The following STON1 variants were observed in gnomAD, a reference collection of about 807,000 sequenced individuals.
The protein encoded by STON1 is stonin-1.
Under a neutral mutation model 60.9 loss-of-function variants are expected in STON1, and 79 were observed. The observed-to-expected ratio is 1.30, with a 90% confidence interval of 1.08 to 1.56. STON1 has a LOEUF of 1.56. Ranked by LOEUF, STON1 falls within the 40% of genes most tolerant of loss-of-function variation. STON1 has a pLI of 0.00. For synonymous variants in STON1, 363 were observed against 306.9 expected (o/e 1.18, Z -1.91); for missense variants, 1,166 against 858.9 (o/e 1.36, Z -4.47).
chr2:48,567,904 CA>C (rs1269523939), intron 1 of STON1, among the ~76,000 whole-genome samples: 1 of 143,534 alleles, frequency 7.0e-6, no homozygotes, highest in Non-Finnish European at 1.5e-5. Flanking sequence ...AGTCTAGTTA[CA>C]GTGTTGCTCT....
intron 1 of STON1, among the ~76,000 whole-genome samples, chr2:48,575,684 A>G (rs34521247): frequency 0.55 from 82,198 of 149,238 alleles, 23,241 homozygotes; most frequent in Non-Finnish European, 0.61. Flanking sequence ...ATAAATAAAT[A>G]AATGAATTCT....
intron 2 of STON1, among the ~76,000 whole-genome samples, chr2:48,590,721 C>T (rs185309422): frequency 6.6e-6 from 1 of 150,646 alleles, no homozygotes; most frequent in Non-Finnish European, 1.5e-5. Flanking sequence ...TGGCACTGAA[C>T]CTGGCCTGGC....
At chr2:48,548,552 G>A (rs1277484769) in intron 1 of STON1, among the ~76,000 whole-genome samples, 4 of 150,094 alleles carry the variant, frequency 2.7e-5, no homozygotes, top group African/African-American at 9.8e-5. Context: ...AGGCTGGAGT[G>A]CAGTGGCGTG....
At chr2:48,579,865 A>C (rs1410158343) in intron 1 of STON1, among the ~76,000 whole-genome samples, 4 of 152,044 alleles carry the variant, frequency 2.6e-5, no homozygotes, top group Admixed American at 1.3e-4. Flanking sequence ...CAGTTCTGTT[A>C]ATGTTTGCTT....
intron 3 of STON1, 85 bp downstream of exon 3, chr2:48,591,940 G>C: frequency 1.3e-6 from 2 of 1,512,120 alleles, no homozygotes; most frequent in Non-Finnish European, 1.8e-6. Flanking sequence ...TATGTGTTGT[G>C]TGTGTGTGTA....
At position 48,582,475 on chromosome 2, in the gene STON1, C is replaced by T. The variant is rs1378222660; in HGVS notation, c.1842C>T (p.Val614=). The T allele has an allele frequency of 6.2e-7, 1 of 1,614,204 alleles. No individual in the cohort carries two copies. The highest frequency in any genetic ancestry group is 2.2e-5 in the East Asian group (1 of 44,882). Reference sequence around the variant, plus strand: ...TACAGGAACTTGAATCTGAACCTGTCATTCAAGTCACTGTGGGGTCAGCAA... The same window carrying T: ...TACAGGAACTTGAATCTGAACCTGTTATTCAAGTCACTGTGGGGTCAGCAA... ...GSLQELESEP[V]IQVTVGSAKY... is the part of the protein sequence containing the mutation. The change falls in exon 2 of 4, where the codon GTC becomes GTT. Residue 614 remains valine (V), a synonymous_variant. Coordinates refer to ENST00000404752, the MANE Select transcript of STON1 (RefSeq NM_006873.4).
intron 1 of STON1, among the ~76,000 whole-genome samples, chr2:48,567,920 G>T (rs190376241): frequency 5.6e-5 from 8 of 143,546 alleles, no homozygotes; most frequent in Middle Eastern, 3.5e-3. Flanking sequence ...TGCTCTTGAG[G>T]AGTCTGGCGC....
chr2:48,543,529 CTTTTTTTT>C (rs869048449), intron 1 of STON1, among the ~76,000 whole-genome samples: 2 of 128,196 alleles, frequency 1.6e-5, no homozygotes, highest in Admixed American at 7.8e-5. Flanking sequence ...TTAAAGATAA[CTTTTTTTT>C]TTTTTTTTTT....
At chr2:48,554,674 C>T (rs368744501) in intron 1 of STON1, among the ~76,000 whole-genome samples, 3 of 151,336 alleles carry the variant, frequency 2.0e-5, no homozygotes, top group South Asian at 2.1e-4. Context: ...TTGGCTCCCA[C>T]GTATGCGTTT....
intron 1 of STON1, among the ~76,000 whole-genome samples, chr2:48,558,753 C>G (rs1302252217): frequency 6.6e-6 from 1 of 152,214 alleles, no homozygotes. Flanking sequence ...CCCCATGAAG[C>G]CTTCCTTGCT....
intron 1 of STON1, among the ~76,000 whole-genome samples, chr2:48,557,026 A>AC (rs1392156630): frequency 1.4e-5 from 1 of 69,894 alleles, no homozygotes; most frequent in Admixed American, 1.4e-4. Context: ...GGGGGGGCTG[A>AC]CCCCCCACCT....
chr2:48,592,630 A>ATTATTATTATTATTC (rs1553366149), intron 3 of STON1, among the ~76,000 whole-genome samples: 1 of 143,028 alleles, frequency 7.0e-6, no homozygotes, highest in Admixed American at 7.1e-5. Flanking sequence ...TATTATTATT[A>ATTATTATTATTATTC]TTCTATTTTT....
intron 2 of STON1, among the ~76,000 whole-genome samples, chr2:48,587,586 C>T (rs866892084): frequency 6.6e-6 from 1 of 152,076 alleles, no homozygotes; most frequent in South Asian, 2.1e-4. Context: ...CCACTGCGTC[C>T]GGCCTCCCAT....
At position 48,597,625 on chromosome 2, in the gene STON1, T is replaced by C. The variant is rs1410781414; in HGVS notation, c.*2323T>C. The stretch of plus-strand genomic sequence containing the variant: ...ATCTCAAGATTCAGTCTTGACAATA[T>C]AATAGCAAAAGCTGGACTAAAGCCC... On this transcript the variant is annotated 3_prime_UTR_variant, in exon 4 of 4. Transcript: ENST00000404752. The C allele has an allele frequency of 6.6e-6, 1 of 152,616 alleles. No homozygotes were observed. 9.5% of individuals were successfully genotyped at this position (152,616 alleles called of 1,614,324 possible). A position where few individuals can be genotyped will look rare whatever the true frequency, so the allele number is the denominator to read the frequency against.
chr2:48,545,070 C>A (rs1310667633), intron 1 of STON1, among the ~76,000 whole-genome samples: 1 of 152,126 alleles, frequency 6.6e-6, no homozygotes, highest in Non-Finnish European at 1.5e-5. Context: ...TAATTGAGGT[C>A]ATTCTCAGCA....
Position 48,535,326 on chromosome 2 carries a change from C to G in STON1, c.-48+5110C>G, listed in dbSNP as rs533159935. Among the ~76,000 whole-genome samples the G allele has an allele frequency of 1.2e-4, 18 of 152,240 alleles. No individual in the cohort carries two copies. The South Asian group carries it at 3.7e-3, about 32-fold the overall frequency. ...GCTTGCCTATGTGGGTGATCCCATGCATTGGTGAGTTTGACTGATTGGGTG... is the reference window on the plus strand; with the variant it reads ...GCTTGCCTATGTGGGTGATCCCATGGATTGGTGAGTTTGACTGATTGGGTG... On this transcript the variant is annotated intron_variant, in intron 1 of 3. Coordinates refer to ENST00000404752, the MANE Select transcript of STON1 (RefSeq NM_006873.4).
rs569857576 is a variant in STON1 at position 48,577,442 on chromosome 2, G to A, written c.-47-3145G>A. On this transcript the variant is annotated intron_variant, in intron 1 of 3. Coordinates refer to ENST00000404752, the MANE Select transcript of STON1 (RefSeq NM_006873.4). ...CTAAAAATACCAAAATTAGCCTGGC[G>A]TGGTGGTGCGTGCCTGCAATCCCAG... Among the ~76,000 whole-genome samples the A allele has an allele frequency of 4.6e-5, 7 of 151,936 alleles. No individual in the cohort carries two copies. In the South Asian group the frequency reaches 8.3e-4, roughly 18 times the overall value.
chr2:48,580,832 G>T lies in STON1; in HGVS notation c.199G>T (p.Val67Leu). Residue 67 changes from valine (V) to leucine (L), a missense_variant, in exon 2 of 4, where the codon GTA becomes TTA. Val to Leu is a conservative substitution (Grantham distance 32). Transcript: ENST00000404752. ...TSSTPLSSPI[V>L]DFYFSPGPPS... ...CAGCACTCCTCTCTCCTCCCCCATT[G>T]TAGATTTTTATTTCAGTCCAGGACC... The T allele has an allele frequency of 1.9e-6, 3 of 1,546,488 alleles. No individual in the cohort carries two copies. The highest frequency in any genetic ancestry group is 2.6e-6 in the Non-Finnish European group (3 of 1,150,352).
At chr2:48,594,663 G>T (rs1032493030) in intron 3 of STON1, among the ~76,000 whole-genome samples, 1 of 152,148 alleles carries the variant, frequency 6.6e-6, no homozygotes, top group Non-Finnish European at 1.5e-5. Context: ...TTTATCAGGG[G>T]TAGTCCTGGA....
Sources: allele counts gnomAD v4.1 joint callset (sites outside exome capture counted in the v4.1 genomes callset), GRCh38; gene constraint gnomAD v4.1.1; transcripts MANE v1.5; gene names NCBI Gene and HGNC (gene_info 2026-07-23, HGNC 2026-07-21).